QTMAN: variants seen among roughly 807,000 people sequenced by gnomAD.
QTMAN encodes the protein queuosine-tRNA mannosyltransferase.
At chr2:144,113,309 G>A in the QTMAN span, among the ~76,000 whole-genome samples, 1 of 151,774 alleles carries the variant, frequency 6.6e-6, no homozygotes, top group East Asian at 1.9e-4. Context: ...CTAAAAAGTA[G>A]AATATACACA....
the QTMAN span, among the ~76,000 whole-genome samples, chr2:143,979,656 G>A: frequency 2.0e-5 from 3 of 152,114 alleles, no homozygotes; most frequent in Non-Finnish European, 4.4e-5. Context: ...CGAGATCAAC[G>A]TCAGTCATGT....
the QTMAN span, among the ~76,000 whole-genome samples, chr2:144,001,755 T>C: frequency 1.3e-5 from 2 of 151,918 alleles, no homozygotes; most frequent in Admixed American, 6.6e-5. Context: ...TTGAGGCAAA[T>C]TGTGTTTGGT....
chr2:144,020,700 C>G, the QTMAN span, among the ~76,000 whole-genome samples: 1 of 152,096 alleles, frequency 6.6e-6, no homozygotes, highest in Non-Finnish European at 1.5e-5. Flanking sequence ...GTCACACCCC[C>G]ATCACACACC....
the QTMAN span, among the ~76,000 whole-genome samples, chr2:143,999,254 G>A: frequency 1.3e-5 from 2 of 151,928 alleles, no homozygotes; most frequent in East Asian, 1.9e-4. Context: ...CCTTCGGTGC[G>A]TGGACATTCA....
At chr2:144,081,082 A>G in the QTMAN span, among the ~76,000 whole-genome samples, 94 of 152,276 alleles carry the variant, frequency 6.2e-4, 1 homozygote, top group African/African-American at 2.2e-3. Context: ...ACTGCTTACT[A>G]TTGCCAATTA....
chr2:144,109,531 C>A, the QTMAN span, among the ~76,000 whole-genome samples: 6 of 152,164 alleles, frequency 3.9e-5, no homozygotes, highest in East Asian at 1.9e-4. Flanking sequence ...GCAACAAAAG[C>A]CAAAATTGAC....
the QTMAN span, among the ~76,000 whole-genome samples, chr2:144,224,101 T>C: frequency 1.3e-5 from 2 of 152,350 alleles, no homozygotes; most frequent in Non-Finnish European, 2.9e-5. Flanking sequence ...TAAGCTGGCA[T>C]GGATAATAAA....
At chr2:144,186,783 A>G in the QTMAN span, among the ~76,000 whole-genome samples, 2 of 152,178 alleles carry the variant, frequency 1.3e-5, no homozygotes, top group Non-Finnish European at 2.9e-5. Flanking sequence ...TCTAGGTAAT[A>G]TCAAATTTGC....
At chr2:143,996,734 G>A in the QTMAN span, among the ~76,000 whole-genome samples, 1 of 152,006 alleles carries the variant, frequency 6.6e-6, no homozygotes, top group East Asian at 1.9e-4. Flanking sequence ...CATTTTCTAA[G>A]GAAGTATCAG....
the QTMAN span, chr2:144,179,025 T>G: frequency 6.5e-6 from 3 of 459,242 alleles, no homozygotes; most frequent in Non-Finnish European, 8.9e-6. Context: ...TTATTTAAAT[T>G]ATTACGGCTA....
At chr2:144,098,289 A>T in the QTMAN span, among the ~76,000 whole-genome samples, 2 of 152,254 alleles carry the variant, frequency 1.3e-5, no homozygotes, top group African/African-American at 4.8e-5. Context: ...CACCTTTCGA[A>T]GAGATAAACC....
chr2:143,983,600 G>A, the QTMAN span, among the ~76,000 whole-genome samples: 1 of 150,392 alleles, frequency 6.6e-6, no homozygotes, highest in East Asian at 2.0e-4. Context: ...AGCCTCCCTA[G>A]TAGCTGGGAC....
At chr2:144,077,123 T>C in the QTMAN span, among the ~76,000 whole-genome samples, 1 of 151,998 alleles carries the variant, frequency 6.6e-6, no homozygotes, top group South Asian at 2.1e-4. Flanking sequence ...GAGACCTTTA[T>C]GTTACCTCAC....
chr2:144,145,882 T>C, the QTMAN span: 2 of 452,984 alleles, frequency 4.4e-6, no homozygotes, highest in Non-Finnish European at 7.7e-6. Flanking sequence ...CTTAATACCA[T>C]GTAGCAGCAT....
chr2:144,111,326 C>T, the QTMAN span, among the ~76,000 whole-genome samples: 81 of 152,250 alleles, frequency 5.3e-4, no homozygotes, highest in African/African-American at 7.5e-4. Flanking sequence ...CTTATTTCAC[C>T]GGGTTCACAC....
chr2:144,308,606 C>T, the QTMAN span, among the ~76,000 whole-genome samples: 503 of 152,122 alleles, frequency 3.3e-3, 1 homozygote, highest in Non-Finnish European at 5.7e-3. Flanking sequence ...AATGTAAAAG[C>T]CAAAACTGTA....
At chr2:144,240,664 A>C in the QTMAN span, among the ~76,000 whole-genome samples, 1 of 152,230 alleles carries the variant, frequency 6.6e-6, no homozygotes, top group Non-Finnish European at 1.5e-5. Flanking sequence ...CATAAAATCC[A>C]CCCTAGAGAT....
chr2:144,166,470 C>G, the QTMAN span, among the ~76,000 whole-genome samples: 1 of 152,186 alleles, frequency 6.6e-6, no homozygotes, highest in East Asian at 1.9e-4. Flanking sequence ...AGAGCATTAT[C>G]TTACTCACTC....
At chr2:144,194,298 G>T in the QTMAN span, among the ~76,000 whole-genome samples, 4 of 152,090 alleles carry the variant, frequency 2.6e-5, no homozygotes, top group Non-Finnish European at 4.4e-5. Context: ...TCACCATTTA[G>T]CAGATGAAGA....
Sources: gnomAD v4.1 joint callset for allele counts (sites outside exome capture counted in the v4.1 genomes callset) on GRCh38, gnomAD v4.1.1 for gene constraint, MANE v1.5 for transcripts, NCBI Gene and HGNC (gene_info 2026-07-23, HGNC 2026-07-21) for gene names.